Variants in ELF2 observed in about 807,000 individuals in gnomAD.
ELF2 encodes E74 like ETS transcription factor 2.
ELF2 carries 11 observed loss-of-function variants against 54.8 expected under a neutral mutation model. The ratio of observed to expected loss-of-function variants is 0.20; its 90% CI spans 0.13 to 0.33. ELF2 has a LOEUF of 0.33. Among genes scored for constraint, ELF2 ranks in the 10% least tolerant of loss-of-function variants. The pLI, the probability that ELF2 is intolerant of heterozygous loss-of-function variation, is 1.00. For synonymous variants in ELF2, 203 were observed against 245.1 expected, an observed-to-expected ratio of 0.83 and a Z score of 1.61; for missense variants, 513 against 703.0, an observed-to-expected ratio of 0.73 and a Z score of 3.06.
chr4:139,132,858 A>ATATATAT (rs1737660754), intron 3 of ELF2, among the ~76,000 whole-genome samples: 1 of 138,476 alleles, frequency 7.2e-6, no homozygotes, highest in Non-Finnish European at 1.5e-5. Context: ...ATATATATAT[A>ATATATAT]TATATATATA....
At chr4:139,079,099 G>T (rs543274735) in intron 4 of ELF2, among the ~76,000 whole-genome samples, 91 of 150,914 alleles carry the variant, frequency 6.0e-4, no homozygotes, top group African/African-American at 2.1e-3. Context: ...CTAATTTTTT[G>T]ATTTTTTTTT....
intron 1 of ELF2, among the ~76,000 whole-genome samples, chr4:139,150,367 CA>C (rs1309358254): frequency 2.4e-3 from 318 of 134,118 alleles, no homozygotes; most frequent in Middle Eastern, 3.9e-3. Context: ...AACTGCATCT[CA>C]AAAAAAAAAA....
At chr4:139,144,789 A>G (rs1739065279) in intron 1 of ELF2, among the ~76,000 whole-genome samples, 1 of 152,206 alleles carries the variant, frequency 6.6e-6, no homozygotes. Flanking sequence ...ACATTACCCC[A>G]GTGGCCAGGG....
At chr4:139,123,309 T>G (rs1384332081) in intron 4 of ELF2, among the ~76,000 whole-genome samples, 1 of 152,132 alleles carries the variant, frequency 6.6e-6, no homozygotes, top group Admixed American at 6.5e-5. Flanking sequence ...AAGTAAATTT[T>G]AAAATTATCA....
chr4:139,122,658 C>G (rs540280052), intron 4 of ELF2, among the ~76,000 whole-genome samples: 1 of 151,970 alleles, frequency 6.6e-6, no homozygotes, highest in South Asian at 2.1e-4. Flanking sequence ...CATGCCACCA[C>G]GCCCAGCTAA....
At chr4:139,067,303 A>G (rs1728848771) in intron 7 of ELF2, 1 of 166,968 alleles carries the variant, frequency 6.0e-6, no homozygotes, top group Admixed American at 5.7e-5. Flanking sequence ...AAAAATAAGA[A>G]AAGAAAGAAA....
intron 7 of ELF2, chr4:139,067,170 G>C (rs528636044): frequency 6.6e-6 from 1 of 151,982 alleles, no homozygotes; most frequent in African/African-American, 2.4e-5. Context: ...ATGTGCCTGT[G>C]GTCCCAGCAA....
At chr4:139,085,662 G>A (rs1358222435) in intron 4 of ELF2, among the ~76,000 whole-genome samples, 1 of 152,108 alleles carries the variant, frequency 6.6e-6, no homozygotes, top group African/African-American at 2.4e-5. Flanking sequence ...GAACCTACAT[G>A]CTATTTCCAA....
chr4:139,163,966 AGAAAGGAAAGGAAAGGAAAGAAAGAAG>A (rs925540421), intron 1 of ELF2, among the ~76,000 whole-genome samples: 1 of 147,914 alleles, frequency 6.8e-6, no homozygotes, highest in Non-Finnish European at 1.5e-5. Context: ...GAGAAAAGAA[AGAAAGGAAAGGAAAGGAAAGAAAGAAG>A]GAAAGGAAAG....
intron 4 of ELF2, among the ~76,000 whole-genome samples, chr4:139,092,407 CATAACATACATAACA>C (rs1732725749): frequency 9.6e-6 from 1 of 103,684 alleles, no homozygotes; most frequent in Non-Finnish European, 2.0e-5. Context: ...CATAACATAA[CATAACATACATAACA>C]TAACATAACA....
At chr4:139,170,783 T>C (rs1310450980) in intron 1 of ELF2, among the ~76,000 whole-genome samples, 2 of 150,834 alleles carry the variant, frequency 1.3e-5, no homozygotes, top group African/African-American at 2.4e-5. Flanking sequence ...CCTTGCTCTG[T>C]TGCCCAGGCT....
At chr4:139,124,299 G>A (rs972837111) in intron 4 of ELF2, among the ~76,000 whole-genome samples, 1 of 152,166 alleles carries the variant, frequency 6.6e-6, no homozygotes, top group African/African-American at 2.4e-5. Flanking sequence ...AATAAAATTA[G>A]AGGAAGAACA....
chr4:139,091,150 G>T (rs972467562), intron 4 of ELF2, among the ~76,000 whole-genome samples: 2 of 152,076 alleles, frequency 1.3e-5, no homozygotes, highest in African/African-American at 4.8e-5. Flanking sequence ...AGCCAGGATG[G>T]TCTCGATCTG....
intron 4 of ELF2, 79 bp from the exon 5 acceptor site, chr4:139,073,646 T>C: frequency 1.4e-6 from 1 of 690,288 alleles, no homozygotes; most frequent in South Asian, 4.1e-5. Flanking sequence ...AATAAACATA[T>C]TCACTCCTGA....
chr4:139,077,735 G>T (rs1730514617), intron 4 of ELF2, among the ~76,000 whole-genome samples: 1 of 152,128 alleles, frequency 6.6e-6, no homozygotes, highest in African/African-American at 2.4e-5. Context: ...GAATAAGCAT[G>T]AATTTAACAG....
chr4:139,159,831 G>C (rs1448465470), intron 1 of ELF2, among the ~76,000 whole-genome samples: 1 of 152,110 alleles, frequency 6.6e-6, no homozygotes, highest in Non-Finnish European at 1.5e-5. Flanking sequence ...TAATGAAAGA[G>C]GACCCTTGTG....
chr4:139,095,710 C>T (rs959265253), intron 4 of ELF2, among the ~76,000 whole-genome samples: 2 of 152,188 alleles, frequency 1.3e-5, no homozygotes, highest in East Asian at 3.9e-4. Flanking sequence ...ATTTTTAAAT[C>T]AATGATGGAT....
chr4:139,149,761 GC>G (rs1464733321), intron 1 of ELF2, among the ~76,000 whole-genome samples: 2 of 151,954 alleles, frequency 1.3e-5, no homozygotes, highest in Admixed American at 1.3e-4. Context: ...TTCTACATGG[GC>G]AAATACCATG....
chr4:139,069,216 A>C (rs1272574912), intron 6 of ELF2, among the ~76,000 whole-genome samples: 1 of 152,196 alleles, frequency 6.6e-6, no homozygotes, highest in East Asian at 1.9e-4. Flanking sequence ...ACTGTTCTAC[A>C]TCTGAGATTT....
Sources: allele counts gnomAD v4.1 joint callset (sites outside exome capture counted in the v4.1 genomes callset), GRCh38; gene constraint gnomAD v4.1.1; transcripts MANE v1.5; gene names NCBI Gene and HGNC (gene_info 2026-07-23, HGNC 2026-07-21).